SMU1: variants seen among roughly 807,000 people sequenced by gnomAD.
SMU1 encodes WD40 repeat-containing protein SMU1.
In SMU1, 2 loss-of-function variants were observed where a neutral mutation model predicts 62.0. The ratio of observed to expected loss-of-function variants is 0.03; its 90% CI spans 0.01 to 0.10. SMU1 has a LOEUF of 0.10. Among genes scored for constraint, SMU1 ranks in the 10% least tolerant of loss-of-function variants. The pLI, the probability that SMU1 is intolerant of heterozygous loss-of-function variation, is 1.00. For synonymous variants in SMU1, 188 were observed against 212.4 expected, an observed-to-expected ratio of 0.89 and a Z score of 1.00; for missense variants, 227 against 622.1, an observed-to-expected ratio of 0.36 and a Z score of 6.76.
At chr9:33,052,569 A>G (rs1348062182) in intron 10 of SMU1, among the ~76,000 whole-genome samples, 1 of 152,176 alleles carries the variant, frequency 6.6e-6, no homozygotes, top group East Asian at 1.9e-4. Context: ...TGTCCAGGCC[A>G]ATAATCCAAT....
intron 1 of SMU1, 151 bp downstream of exon 1, chr9:33,076,432 A>G: frequency 1.1e-6 from 1 of 944,548 alleles, no homozygotes; most frequent in Non-Finnish European, 1.6e-6. Flanking sequence ...CCCACCTCCG[A>G]GGTAGCGAGA....
chr9:33,064,065 T>TG (rs1288685264), intron 4 of SMU1, among the ~76,000 whole-genome samples: 1 of 152,074 alleles, frequency 6.6e-6, no homozygotes, highest in Non-Finnish European at 1.5e-5. Context: ...GTGATAAAGG[T>TG]ATTTGTTGTT....
At chr9:33,060,710 T>G in intron 5 of SMU1, 126 bp from the exon 6 acceptor site, 1 of 1,168,662 alleles carries the variant, frequency 8.6e-7, no homozygotes, top group Non-Finnish European at 1.2e-6. Flanking sequence ...TATAGAGTAT[T>G]GGAGGGGTAT....
intron 4 of SMU1, among the ~76,000 whole-genome samples, chr9:33,065,587 TGAA>T (rs1245616302): frequency 6.6e-6 from 1 of 151,718 alleles, no homozygotes; most frequent in African/African-American, 2.4e-5. Flanking sequence ...TTGTACAAGG[TGAA>T]GAAGGGGAAG....
chr9:33,050,579 G>C (rs559583401), intron 10 of SMU1, among the ~76,000 whole-genome samples: 1 of 148,074 alleles, frequency 6.8e-6, no homozygotes, highest in Non-Finnish European at 1.5e-5. Flanking sequence ...TGTAATCCCA[G>C]CACTTTGGGA....
chr9:33,065,919 G>C (rs1031237482), intron 4 of SMU1, among the ~76,000 whole-genome samples: 1 of 152,158 alleles, frequency 6.6e-6, no homozygotes, highest in African/African-American at 2.4e-5. Flanking sequence ...CTGGTATGCT[G>C]AACAGTGAGA....
chr9:33,064,466 C>T (rs2119441330), intron 4 of SMU1, among the ~76,000 whole-genome samples: 2 of 152,190 alleles, frequency 1.3e-5, no homozygotes, highest in Non-Finnish European at 2.9e-5. Context: ...TCTGACCTCT[C>T]CCCCGCAATT....
intron 4 of SMU1, among the ~76,000 whole-genome samples, chr9:33,065,457 T>C (rs563189366): frequency 6.6e-6 from 1 of 152,136 alleles, no homozygotes; most frequent in South Asian, 2.1e-4. Flanking sequence ...ATAAAAAAGA[T>C]ACATGCCCCA....
Position 33,056,156 on chromosome 9 carries a change from T to C in SMU1, c.1079A>G (p.Asp360Gly). The C allele has an allele frequency of 6.2e-7, 1 of 1,613,606 alleles. No homozygotes were observed. The highest frequency in any genetic ancestry group is 8.5e-7 in the Non-Finnish European group (1 of 1,179,732). Reference protein sequence around the residue: ...SFVNEATFTQDGHYIISASSD... With the variant: ...SFVNEATFTQGGHYIISASSD... The stretch of plus-strand genomic sequence containing the variant: ...GGATGCACTAATAATGTAATGTCCA[T>C]CTTGTGTAAATGTTGCTTCGTTAAC... The change falls in exon 9 of 12, where the codon GAT (aspartate) becomes GGT (glycine). Residue 360 changes from aspartate to glycine, a missense_variant. By Grantham distance (94) the Asp-to-Gly change is moderately conservative. Transcript: ENST00000397149.
chr9:33,062,060 T>G lies in SMU1; in HGVS notation c.619A>C (p.Arg207=), dbSNP rs1839368269. Residue 207 remains arginine (R), a synonymous_variant, in exon 5 of 12, where the codon AGG becomes CGG. Coordinates refer to ENST00000397149, the MANE Select transcript of SMU1 (RefSeq NM_018225.3). ...EEEKFPTQLS[R]HIKFGQKSHV... ...TCTTAGGATCCTACCTTAATATGCC[T>G]GCTCAGTTGTGTAGGAAACTTTTCT... The G allele has an allele frequency of 2.5e-6, 4 of 1,613,700 alleles. No individual in the cohort carries two copies. The highest frequency in any genetic ancestry group is 3.4e-6 in the Non-Finnish European group (4 of 1,179,854).
intron 10 of SMU1, 114 bp downstream of exon 10, chr9:33,053,009 G>T: frequency 2.3e-6 from 2 of 856,486 alleles, no homozygotes; most frequent in Non-Finnish European, 3.8e-6. Context: ...AGCTTAAACG[G>T]TTTACAGAGA....
intron 9 of SMU1, among the ~76,000 whole-genome samples, chr9:33,053,799 A>G (rs1839275048): frequency 6.6e-6 from 1 of 152,260 alleles, no homozygotes; most frequent in Admixed American, 6.5e-5. Context: ...TAGAGTAAGC[A>G]TTCATCATGT....
intron 4 of SMU1, among the ~76,000 whole-genome samples, chr9:33,066,505 T>TAAAAAAAAAAAA (rs35501819): frequency 2.8e-4 from 28 of 100,118 alleles, no homozygotes; most frequent in Non-Finnish European, 4.8e-4. Flanking sequence ...TCCATTTAAT[T>TAAAAAAAAAAAA]AAAAAAAAAA....
chr9:33,069,552 A>C (rs1360436782), intron 3 of SMU1, among the ~76,000 whole-genome samples: 1 of 152,196 alleles, frequency 6.6e-6, no homozygotes, highest in Non-Finnish European at 1.5e-5. Flanking sequence ...TGTAATCCCA[A>C]CATTTTCGGG....
chr9:33,051,503 G>C (rs1485838928), intron 10 of SMU1, among the ~76,000 whole-genome samples: 1 of 152,126 alleles, frequency 6.6e-6, no homozygotes, highest in Non-Finnish European at 1.5e-5. Flanking sequence ...TTCATCAGTT[G>C]TAACAAACGT....
intron 1 of SMU1, among the ~76,000 whole-genome samples, chr9:33,075,586 C>G (rs1354459777): frequency 6.6e-6 from 1 of 152,134 alleles, no homozygotes; most frequent in Non-Finnish European, 1.5e-5. Flanking sequence ...TAGCCAAAAT[C>G]AAATTCCCTA....
intron 2 of SMU1, among the ~76,000 whole-genome samples, chr9:33,072,744 G>C (rs574902420): frequency 6.7e-6 from 1 of 149,566 alleles, no homozygotes; most frequent in Admixed American, 6.8e-5. Context: ...CAGGAGAATC[G>C]CTTGAACCCC....
At position 33,044,787 on chromosome 9, in the gene SMU1, A is replaced by C. The variant is rs1839165996; in HGVS notation, c.*2506T>G. On this transcript the variant is annotated 3_prime_UTR_variant, in exon 12 of 12. Transcript: ENST00000397149. Reference sequence around the variant, plus strand: ...GAAAAATATATACTTAACGGCTCCTAATCCAGCTCTCTTTGCCTGGTCTCC... The same window carrying C: ...GAAAAATATATACTTAACGGCTCCTCATCCAGCTCTCTTTGCCTGGTCTCC... The C allele has an allele frequency of 6.6e-6, 1 of 152,186 alleles. No individual in the cohort carries two copies. The highest frequency in any genetic ancestry group is 1.5e-5 in the Non-Finnish European group (1 of 68,050). The allele number at this position is 152,186 out of a possible 1,614,324, so 9.4% of individuals were successfully genotyped here.
intron 9 of SMU1, among the ~76,000 whole-genome samples, chr9:33,053,998 CAG>C (rs148501628): frequency 0.011 from 1,679 of 152,278 alleles, 31 homozygotes; most frequent in African/African-American, 0.038. Flanking sequence ...CAAAACCAAA[CAG>C]GGGGTCGGCC....
Sources: allele counts gnomAD v4.1 joint callset (sites outside exome capture counted in the v4.1 genomes callset), GRCh38; gene constraint gnomAD v4.1.1; transcripts MANE v1.5; gene names NCBI Gene and HGNC (gene_info 2026-07-23, HGNC 2026-07-21).